Variants in SLC24A2 observed in about 807,000 individuals in gnomAD.
SLC24A2 encodes solute carrier family 24 member 2.
A neutral mutation model predicts 62.0 loss-of-function variants in SLC24A2; 36 were observed. The observed-to-expected ratio is 0.58, with a 90% CI of 0.44 to 0.77. The LOEUF (loss-of-function observed/expected upper bound fraction) is 0.77, where lower values mean the gene tolerates loss of function less well. SLC24A2 is among the 30% of genes least tolerant of loss of function. The pLI is 0.00. For synonymous variants in SLC24A2, 358 were observed against 294.0 expected (o/e 1.22, Z -2.23); for missense variants, 846 against 817.9 (o/e 1.03, Z -0.42).
chr9:19,973,418 G>A, the SLC24A2 span, among the ~76,000 whole-genome samples: 1 of 152,184 alleles, frequency 6.6e-6, no homozygotes, highest in Non-Finnish European at 1.5e-5. Context: ...AGTTCATTTT[G>A]TGGTTGGAAA....
At chr9:19,527,196 G>C (rs1473382982) in intron 9 of SLC24A2, among the ~76,000 whole-genome samples, 1 of 152,028 alleles carries the variant, frequency 6.6e-6, no homozygotes, top group African/African-American at 2.4e-5. Context: ...ATTAAACAAA[G>C]GATACAAGTG....
chr9:19,953,865 T>C, the SLC24A2 span, among the ~76,000 whole-genome samples: 2 of 152,038 alleles, frequency 1.3e-5, no homozygotes, highest in Non-Finnish European at 2.9e-5. Context: ...ATCAAAGATA[T>C]GATGTTATCA....
the SLC24A2 span, chr9:19,929,249 G>C: frequency 5.9e-5 from 9 of 152,150 alleles, no homozygotes; most frequent in African/African-American, 2.2e-4. Flanking sequence ...TTTTACCCTG[G>C]ACTCTCACCC....
chr9:19,593,605 G>A (rs138886995), intron 5 of SLC24A2, among the ~76,000 whole-genome samples: 94 of 152,208 alleles, frequency 6.2e-4, no homozygotes, highest in African/African-American at 2.1e-3. Flanking sequence ...TTCTTCAATA[G>A]CTCATTGTTG....
chr9:19,569,293 C>A (rs570293758), intron 7 of SLC24A2, among the ~76,000 whole-genome samples: 62 of 152,318 alleles, frequency 4.1e-4, no homozygotes, highest in South Asian at 1.0e-3. Context: ...GCCTGTGGAC[C>A]ACAGTGTGCC....
chr9:19,698,259 C>A (rs1554701448), intron 2 of SLC24A2, among the ~76,000 whole-genome samples: 1 of 152,060 alleles, frequency 6.6e-6, no homozygotes, highest in Non-Finnish European at 1.5e-5. Context: ...GCAGCCAAAA[C>A]TTTGTTTTAT....
At chr9:19,925,235 T>C in the SLC24A2 span, among the ~76,000 whole-genome samples, 2 of 152,200 alleles carry the variant, frequency 1.3e-5, no homozygotes, top group Non-Finnish European at 2.9e-5. Flanking sequence ...GATATATAGA[T>C]TTATAGTGAC....
chr9:19,735,418 A>G (rs1334948156), intron 2 of SLC24A2, among the ~76,000 whole-genome samples: 2 of 152,006 alleles, frequency 1.3e-5, no homozygotes, highest in African/African-American at 4.8e-5. Context: ...GGGACTGTAA[A>G]CTAGTTCAAC....
chr9:20,054,705 G>T, the SLC24A2 span, among the ~76,000 whole-genome samples: 1 of 152,188 alleles, frequency 6.6e-6, no homozygotes, highest in Non-Finnish European at 1.5e-5. Flanking sequence ...TCCTAATAGG[G>T]TAAAGCTGTG....
chr9:20,043,409 G>C, the SLC24A2 span, among the ~76,000 whole-genome samples: 1 of 152,202 alleles, frequency 6.6e-6, no homozygotes, highest in African/African-American at 2.4e-5. Flanking sequence ...CATTTTGTAA[G>C]GTGATAGCTG....
intron 2 of SLC24A2, among the ~76,000 whole-genome samples, chr9:19,678,174 C>T (rs7038601): frequency 0.11 from 17,502 of 152,214 alleles, 1,595 homozygotes; most frequent in African/African-American, 0.25. Context: ...GCAAGCCTAG[C>T]GCAGAGCAGG....
the SLC24A2 span, among the ~76,000 whole-genome samples, chr9:20,265,911 G>A: frequency 4.7e-3 from 709 of 152,210 alleles, 4 homozygotes; most frequent in Non-Finnish European, 8.0e-3. Context: ...TTTTATGGTC[G>A]ATCTGTAGGG....
At chr9:19,760,691 T>C (rs924577033) in intron 2 of SLC24A2, among the ~76,000 whole-genome samples, 1 of 152,120 alleles carries the variant, frequency 6.6e-6, no homozygotes, top group Non-Finnish European at 1.5e-5. Flanking sequence ...GCAAAGGACA[T>C]TAAGTCAGTC....
At chr9:20,139,007 G>A in the SLC24A2 span, among the ~76,000 whole-genome samples, 2 of 152,060 alleles carry the variant, frequency 1.3e-5, no homozygotes, top group African/African-American at 2.4e-5. Flanking sequence ...ACTCCTCCCC[G>A]CCTCATGGTC....
At chr9:20,243,452 TG>T in the SLC24A2 span, among the ~76,000 whole-genome samples, 1 of 152,318 alleles carries the variant, frequency 6.6e-6, no homozygotes, top group East Asian at 1.9e-4. Context: ...ATACTGTTTG[TG>T]GATACATATA....
chr9:19,563,340 A>G (rs905293797), intron 7 of SLC24A2, among the ~76,000 whole-genome samples: 1 of 151,944 alleles, frequency 6.6e-6, no homozygotes, highest in Admixed American at 6.5e-5. Context: ...ATTCTTGCCT[A>G]TTTATTTTTA....
the SLC24A2 span, among the ~76,000 whole-genome samples, chr9:19,957,156 G>T: frequency 6.6e-6 from 1 of 152,126 alleles, no homozygotes; most frequent in Admixed American, 6.5e-5. Context: ...AGGTTATTTA[G>T]TCTGACTTTA....
chr9:19,837,843 T>A, the SLC24A2 span, among the ~76,000 whole-genome samples: 1 of 151,844 alleles, frequency 6.6e-6, no homozygotes, highest in Non-Finnish European at 1.5e-5. Context: ...ATAAAATACC[T>A]AGGAATCCAA....
At chr9:19,826,208 C>T in the SLC24A2 span, among the ~76,000 whole-genome samples, 4 of 145,294 alleles carry the variant, frequency 2.8e-5, no homozygotes, top group Non-Finnish European at 4.5e-5. Flanking sequence ...GCAAACACTT[C>T]ATGGAAGAAG....
Sources: allele counts gnomAD v4.1 joint callset (sites outside exome capture counted in the v4.1 genomes callset), GRCh38; gene constraint gnomAD v4.1.1; transcripts MANE v1.5; gene names NCBI Gene and HGNC (gene_info 2026-07-23, HGNC 2026-07-21).